The following BCAR3 variants were observed in gnomAD, a reference collection of about 807,000 sequenced individuals.
BCAR3 encodes the protein breast cancer anti-estrogen resistance protein 3.
BCAR3 carries 37 observed loss-of-function variants against 80.1 expected under a neutral mutation model. The ratio of observed to expected loss-of-function variants is 0.46; its 90% CI spans 0.36 to 0.61. The LOEUF is 0.61. Ranked by LOEUF, BCAR3 falls within the 20% of genes least tolerant of loss-of-function variation. The pLI is 0.00. For missense variants in BCAR3, 978 were observed against 1,068.2 expected (o/e 0.92, Z 1.18); for synonymous variants, 389 against 418.9 (o/e 0.93, Z 0.87).
At chr1:93,611,773 C>G (rs1674957620) in intron 3 of BCAR3, among the ~76,000 whole-genome samples, 1 of 152,136 alleles carries the variant, frequency 6.6e-6, no homozygotes, top group Non-Finnish European at 1.5e-5. Context: ...AAGGAGGGAC[C>G]CTCTATATTT....
rs566684365 is a variant in BCAR3 at position 93,742,824 on chromosome 1, C to T, written c.-62-36682G>A. ...TTTCAAAAACAACAAACAACAAACCCACATATAATTATTTCAGAAATGCTA... is the reference window on the plus strand; with the variant it reads ...TTTCAAAAACAACAAACAACAAACCTACATATAATTATTTCAGAAATGCTA... On this transcript the variant is annotated intron_variant, in intron 2 of 13. Coordinates refer to the BCAR3 transcript ENST00000370244. 2.8e-4 allele frequency among the ~76,000 whole-genome samples: 43 copies of T among 152,162 alleles called. 1 individual carries two copies. In the South Asian group the frequency reaches 8.3e-3, roughly 29 times the overall value.
chr1:93,787,742 T>A (rs981658078), intron 2 of BCAR3, among the ~76,000 whole-genome samples: 1 of 152,264 alleles, frequency 6.6e-6, no homozygotes, highest in Non-Finnish European at 1.5e-5. Flanking sequence ...ATATGGTCTA[T>A]CTTGGAGAAT....
chr1:93,755,648 T>C (rs1006108946), intron 2 of BCAR3, among the ~76,000 whole-genome samples: 4 of 152,192 alleles, frequency 2.6e-5, no homozygotes, highest in African/African-American at 7.2e-5. Flanking sequence ...AAGTGCACTT[T>C]ATGATGTTTG....
chr1:93,603,361 T>G (rs1674679656), intron 3 of BCAR3, among the ~76,000 whole-genome samples: 1 of 152,232 alleles, frequency 6.6e-6, no homozygotes, highest in African/African-American at 2.4e-5. Context: ...TTACAACAGC[T>G]GCCCAACATA....
At chr1:93,655,116 G>A (rs921662844) in intron 2 of BCAR3, among the ~76,000 whole-genome samples, 33 of 152,316 alleles carry the variant, frequency 2.2e-4, no homozygotes, top group Admixed American at 1.9e-3. Context: ...ACAGTAAGGG[G>A]CTGGGAGCTG....
intron 2 of BCAR3, among the ~76,000 whole-genome samples, chr1:93,748,366 C>A (rs1651429749): frequency 6.6e-6 from 1 of 152,164 alleles, no homozygotes; most frequent in Non-Finnish European, 1.5e-5. Context: ...AGGGTTGCAT[C>A]CTAATTGCGA....
chr1:93,683,132 G>A (rs1014462584), upstream of BCAR3, among the ~76,000 whole-genome samples: 15 of 152,214 alleles, frequency 9.9e-5, no homozygotes, highest in African/African-American at 2.9e-4. Context: ...GAACACCTAC[G>A]GATCAGCCAG....
At chr1:93,571,575 C>G (rs1240345759) in intron 9 of BCAR3, 95 bp downstream of exon 9, 1 of 1,476,188 alleles carries the variant, frequency 6.8e-7, no homozygotes. Context: ...ATTCAATTTA[C>G]TTTTGAGATT....
intron 2 of BCAR3, among the ~76,000 whole-genome samples, chr1:93,724,783 C>G (rs572760207): frequency 5.2e-4 from 79 of 152,332 alleles, no homozygotes; most frequent in African/African-American, 1.8e-3. Flanking sequence ...TACCCCTGAC[C>G]TGCCACTGGT....
chr1:93,719,951 G>A lies in BCAR3; in HGVS notation c.-62-13809C>T, dbSNP rs180883124. ...CATTATGTTGCCCAAGCTGGAGTGC[G>A]GTGGCTATATTCACAGGTACAATCA... On this transcript the variant is annotated intron_variant, in intron 2 of 13. Coordinates refer to the BCAR3 transcript ENST00000370244. 2.2e-3 allele frequency among the ~76,000 whole-genome samples: 331 copies of A among 152,192 alleles called. 1 individual carries two copies. Among genetic ancestry groups the A allele is most frequent in the African/African-American group, 6.6e-3 (272 of 41,508 alleles).
At chr1:93,750,900 T>C (rs1651533914) in intron 2 of BCAR3, among the ~76,000 whole-genome samples, 1 of 152,242 alleles carries the variant, frequency 6.6e-6, no homozygotes. Flanking sequence ...TCCTCTTTGC[T>C]GTGCCATTTC....
chr1:93,805,826 C>T (rs1469463562), intron 2 of BCAR3, among the ~76,000 whole-genome samples: 1 of 151,914 alleles, frequency 6.6e-6, no homozygotes, highest in African/African-American at 2.4e-5. Flanking sequence ...AAGGATTAAA[C>T]AAATGAACAA....
intron 2 of BCAR3, among the ~76,000 whole-genome samples, chr1:93,663,538 T>C (rs1647758294): frequency 6.6e-6 from 1 of 152,128 alleles, no homozygotes; most frequent in Non-Finnish European, 1.5e-5. Flanking sequence ...TGCTTATCAA[T>C]CCAGTGGAGC....
At chr1:93,816,468 C>T (rs974741936) in intron 2 of BCAR3, among the ~76,000 whole-genome samples, 4 of 151,624 alleles carry the variant, frequency 2.6e-5, no homozygotes, top group Non-Finnish European at 5.9e-5. Context: ...GTCAGGAGTT[C>T]GAGACTAGCC....
chr1:93,669,541 G>A (rs577705687), intron 2 of BCAR3, among the ~76,000 whole-genome samples: 1 of 152,280 alleles, frequency 6.6e-6, no homozygotes, highest in South Asian at 2.1e-4. Context: ...ACACCACATT[G>A]TCCTACCACA....
intron 3 of BCAR3, among the ~76,000 whole-genome samples, chr1:93,698,789 T>A (rs186919424): frequency 6.6e-6 from 1 of 152,336 alleles, no homozygotes; most frequent in African/African-American, 2.4e-5. Flanking sequence ...GAAAGGGGGC[T>A]GTTGAGTTTT....
intron 3 of BCAR3, among the ~76,000 whole-genome samples, chr1:93,609,304 C>T (rs2101876630): frequency 6.6e-6 from 1 of 152,330 alleles, no homozygotes; most frequent in African/African-American, 2.4e-5. Flanking sequence ...AACATCCCTG[C>T]CTTCTGTGGC....
chr1:93,844,618 A>G (rs974482976), intron 2 of BCAR3, among the ~76,000 whole-genome samples: 1 of 152,054 alleles, frequency 6.6e-6, no homozygotes, highest in African/African-American at 2.4e-5. Context: ...TTTTTCTTAC[A>G]TGCTAACATT....
At chr1:93,571,493 C>CA (rs1557836546) in intron 9 of BCAR3, 177 bp downstream of exon 9, 4 of 762,536 alleles carry the variant, frequency 5.2e-6, no homozygotes, top group Non-Finnish European at 2.0e-6. Flanking sequence ...GATTCTGTCT[C>CA]AAAAAAGAAA....
Sources: gnomAD v4.1 joint callset for allele counts (sites outside exome capture counted in the v4.1 genomes callset) on GRCh38, gnomAD v4.1.1 for gene constraint, MANE v1.5 for transcripts, NCBI Gene and HGNC (gene_info 2026-07-23, HGNC 2026-07-21) for gene names.